Variants in DOCK10 observed in about 807,000 individuals in gnomAD.
DOCK10 encodes the protein dedicator of cytokinesis 10, also known as dedicator of cytokinesis protein 10.
In DOCK10, 145 loss-of-function variants were observed where a neutral mutation model predicts 280.1. The ratio of observed to expected loss-of-function variants is 0.52; its 90% confidence interval spans 0.45 to 0.59. The LOEUF is 0.59. Ranked by LOEUF, DOCK10 falls within the 20% of genes least tolerant of loss-of-function variation. The probability of loss-of-function intolerance (pLI) is 0.00; values close to 1 mark genes in which losing one functional copy is unlikely to be tolerated. For synonymous variants in DOCK10, 915 were observed against 942.2 expected, an observed-to-expected ratio of 0.97 and a Z score of 0.53; for missense variants, 2,368 against 2,651.7, an observed-to-expected ratio of 0.89 and a Z score of 2.35.
chr2:224,968,214 G>A (rs1483300430), intron 1 of DOCK10, among the ~76,000 whole-genome samples: 1 of 152,190 alleles, frequency 6.6e-6, no homozygotes, highest in Admixed American at 6.5e-5. Flanking sequence ...ACAGAAAATG[G>A]TATGTTCAGT....
intron 27 of DOCK10, among the ~76,000 whole-genome samples, chr2:224,827,455 A>AT (rs1694944984): frequency 6.6e-6 from 1 of 152,004 alleles, no homozygotes; most frequent in Non-Finnish European, 1.5e-5. Flanking sequence ...CATGCTGGCT[A>AT]TTATCAGTTC....
At chr2:224,904,395 T>C (rs1436309924) in intron 3 of DOCK10, among the ~76,000 whole-genome samples, 1 of 152,188 alleles carries the variant, frequency 6.6e-6, no homozygotes, top group Non-Finnish European at 1.5e-5. Flanking sequence ...TCTACATGAA[T>C]TTTATTAAGA....
chr2:224,933,426 A>T (rs1213040145), intron 1 of DOCK10, among the ~76,000 whole-genome samples: 6 of 152,098 alleles, frequency 3.9e-5, no homozygotes, highest in Non-Finnish European at 8.8e-5. Flanking sequence ...TTTCTCTCCA[A>T]TTCAGCTGTA....
At position 225,042,308 on chromosome 2, in the gene DOCK10, G is replaced by C. The variant is rs1281718313; in HGVS notation, c.67C>G (p.Arg23Gly). The change falls in exon 1 of 56, where the codon CGG becomes GGG. Residue 23 changes from arginine to glycine, a missense_variant. Coordinates refer to ENST00000258390, the MANE Select transcript of DOCK10 (RefSeq NM_014689.3). This position sits in a 1 kb window ranked among gnomAD's most constrained non-coding sequence, Gnocchi z 5.1. The stretch of plus-strand genomic sequence containing the variant: ...GCGGCGGCGGACGCGGCGCTGTGCC[G>C]GAGCTCGGCCGCCTGCCCAGGTCTC... ...LLRPGQAAEL[R>G]HSAASAAAVA... 7.4e-7 allele frequency: 1 copy of C among 1,355,928 alleles called. No homozygotes were observed. The highest frequency in any genetic ancestry group is 1.8e-5 in the South Asian group (1 of 55,798). The allele number at this position is 1,355,928 out of a possible 1,614,324, so 84.0% of individuals were successfully genotyped here.
intron 27 of DOCK10, among the ~76,000 whole-genome samples, chr2:224,830,288 T>C (rs2125390419): frequency 6.6e-6 from 1 of 152,366 alleles, no homozygotes; most frequent in East Asian, 1.9e-4. Flanking sequence ...TTCTTTTTCC[T>C]GTTCCTTTTA....
intron 1 of DOCK10, among the ~76,000 whole-genome samples, chr2:224,986,930 C>T (rs537784480): frequency 1.3e-5 from 2 of 152,254 alleles, no homozygotes; most frequent in East Asian, 1.9e-4. Flanking sequence ...GCTCTTAATT[C>T]CCCCAGGTTG....
At position 224,856,220 on chromosome 2, in the gene DOCK10, A is replaced by C. The variant is rs552781289; in HGVS notation, c.1808+640T>G. ...ATTTAATGTCAGCGTTGCATTGTGTATTCTAGGGTGCCCCCTTAAATTAGA... is the reference window on the plus strand; with the variant it reads ...ATTTAATGTCAGCGTTGCATTGTGTCTTCTAGGGTGCCCCCTTAAATTAGA... On this transcript the variant is annotated intron_variant, in intron 15 of 55. Transcript: ENST00000258390. Among the ~76,000 whole-genome samples the C allele has an allele frequency of 1.6e-4, 25 of 152,358 alleles. No individual in the cohort carries two copies. The South Asian group carries it at 2.5e-3, about 15-fold the overall frequency.
chr2:225,000,601 G>T (rs1224076084), intron 1 of DOCK10, among the ~76,000 whole-genome samples: 2 of 152,154 alleles, frequency 1.3e-5, no homozygotes, highest in African/African-American at 4.8e-5. Flanking sequence ...GGGAAAAAGG[G>T]ATTGACAGTA....
chr2:224,770,410 G>T lies in DOCK10; in HGVS notation c.6306-61C>A. On this transcript the variant is annotated intron_variant, in intron 54 of 55. Transcript: ENST00000258390. This position sits in a 1 kb window ranked among gnomAD's most constrained non-coding sequence, Gnocchi z 4.5. ...CCTCGGAAGTGGCATTGAGCTCAGTGACTGTGAGTTCAGAGTCAGGCTGCT... is the reference window on the plus strand; with the variant it reads ...CCTCGGAAGTGGCATTGAGCTCAGTTACTGTGAGTTCAGAGTCAGGCTGCT... 6.4e-7 allele frequency: 1 copy of T among 1,562,846 alleles called. No individual in the cohort carries two copies. Among genetic ancestry groups the T allele is most frequent in the Non-Finnish European group, 8.7e-7 (1 of 1,152,834 alleles).
intron 23 of DOCK10, among the ~76,000 whole-genome samples, chr2:224,841,281 A>G (rs1695945807): frequency 6.6e-6 from 1 of 152,230 alleles, no homozygotes. Flanking sequence ...ATGTGATATA[A>G]TAAATACAGT....
At chr2:224,772,275 C>A (rs759121564) in intron 53 of DOCK10, among the ~76,000 whole-genome samples, 2 of 152,122 alleles carry the variant, frequency 1.3e-5, no homozygotes, top group African/African-American at 2.4e-5. Context: ...ACTGATCTTC[C>A]TTTATTTTAA....
intron 1 of DOCK10, among the ~76,000 whole-genome samples, chr2:224,989,482 T>C (rs1004598148): frequency 6.6e-6 from 1 of 152,208 alleles, no homozygotes; most frequent in African/African-American, 2.4e-5. Context: ...ACTTTTTTTG[T>C]AAATTTTCCA....
chr2:224,929,827 C>G (rs147280464), intron 2 of DOCK10, among the ~76,000 whole-genome samples: 1 of 152,132 alleles, frequency 6.6e-6, no homozygotes, highest in African/African-American at 2.4e-5. Flanking sequence ...CTTGAAGTAG[C>G]ATTTGACATA....
intron 1 of DOCK10, among the ~76,000 whole-genome samples, chr2:224,973,998 G>A (rs1022481570): frequency 1.2e-4 from 19 of 152,160 alleles, no homozygotes; most frequent in African/African-American, 4.3e-4. Flanking sequence ...CTGCCTTAGG[G>A]GAGGCCTTCC....
At chr2:225,010,499 T>C (rs1233694636) in intron 1 of DOCK10, 4 of 154,100 alleles carry the variant, frequency 2.6e-5, no homozygotes, top group Non-Finnish European at 5.9e-5. Context: ...ATTTGCTTTG[T>C]GTGTATCTTA....
At chr2:225,028,856 C>A (rs1689996347) in intron 1 of DOCK10, among the ~76,000 whole-genome samples, 1 of 152,174 alleles carries the variant, frequency 6.6e-6, no homozygotes, top group Non-Finnish European at 1.5e-5. Context: ...CAGCAAACAA[C>A]AGGTGTCACA....
chr2:224,893,560 A>T (rs1189786770), intron 4 of DOCK10: 3 of 354,734 alleles, frequency 8.5e-6, no homozygotes, highest in Non-Finnish European at 1.7e-5. Context: ...TCTCCAAGTT[A>T]GTGCTGATTT....
In DOCK10 at chr2:224,967,231, C is replaced by T. The variant is rs144728330; in HGVS notation, c.124-35563G>A. ...AGTAGTTGGGACTACAGGGGCCCAC[C>T]ACCATGTCCGGCTAATTTTTCTGTA... is the stretch of plus-strand genomic sequence containing the variant. On this transcript the variant is annotated intron_variant, in intron 1 of 55. Transcript: ENST00000258390. 6.4e-4 allele frequency among the ~76,000 whole-genome samples: 98 copies of T among 152,240 alleles called. 3 individuals carry two copies. The highest frequency in any genetic ancestry group is 3.4e-3 in the Middle Eastern group (1 of 294).
At position 225,042,115 on chromosome 2, in the gene DOCK10, G is replaced by C. The variant is rs1314423231; in HGVS notation, c.123+137C>G. 1 of 1,050,118 alleles carries C rather than the reference G, an allele frequency of 9.5e-7. No homozygotes were observed. The highest frequency in any genetic ancestry group is 4.4e-5 in the Admixed American group (1 of 22,608). 65.1% of individuals were successfully genotyped at this position (1,050,118 alleles called of 1,614,324 possible). On this transcript the variant is annotated intron_variant, in intron 1 of 55. Transcript: ENST00000258390. This position sits in a 1 kb window ranked among gnomAD's most constrained non-coding sequence, Gnocchi z 5.1. The stretch of plus-strand genomic sequence containing the variant: ...TGGCGCCGGGGGAGCCCGCAGAGGC[G>C]GCGGGGGAGGGAGTGCGGAGGAGAG...
Sources: allele counts gnomAD v4.1 joint callset (sites outside exome capture counted in the v4.1 genomes callset), GRCh38; gene constraint gnomAD v4.1.1; non-coding constraint Gnocchi (gnomAD v3.1); transcripts MANE v1.5; gene names NCBI Gene and HGNC (gene_info 2026-07-23, HGNC 2026-07-21).